The following L2HGDH variants were observed in gnomAD, a reference collection of about 807,000 sequenced individuals.
L2HGDH encodes the protein L-2-hydroxyglutarate dehydrogenase, mitochondrial.
Under a neutral mutation model 51.5 loss-of-function variants are expected in L2HGDH, and 34 were observed. That is an observed-to-expected ratio of 0.66 (90% CI 0.50 to 0.88). The LOEUF is 0.88. Ranked by LOEUF, L2HGDH falls within the 40% of genes least tolerant of loss-of-function variation. L2HGDH has a pLI of 0.00. For synonymous variants in L2HGDH, 198 were observed against 197.9 expected (o/e 1.00, Z -0.01); for missense variants, 558 against 571.9 (o/e 0.98, Z 0.25).
At chr14:50,296,256 C>T (rs1371849862) in intron 3 of L2HGDH, among the ~76,000 whole-genome samples, 1 of 151,010 alleles carries the variant, frequency 6.6e-6, no homozygotes, top group Non-Finnish European at 1.5e-5. Context: ...CACCTGTAGT[C>T]CCAGCTACTA....
Position 50,280,971 on chromosome 14 carries a change from T to C in L2HGDH, c.704-2417A>G, listed in dbSNP as rs1330690105. ...CTGGAAGTACAGGTGTGTGCTACCA[T>C]GCCCAGTGAACGTTTAAAAATTTTT... is the stretch of plus-strand genomic sequence containing the variant. On this transcript the variant is annotated intron_variant, in intron 5 of 9. Coordinates refer to ENST00000267436, the MANE Select transcript of L2HGDH (RefSeq NM_024884.3). Among the ~76,000 whole-genome samples the C allele has an allele frequency of 4.0e-5, 6 of 151,842 alleles. No individual in the cohort carries two copies. The East Asian group carries it at 9.7e-4, about 25-fold the overall frequency.
chr14:50,311,207 G>A (rs1052147526), intron 1 of L2HGDH: 10 of 388,664 alleles, frequency 2.6e-5, no homozygotes, highest in African/African-American at 4.2e-5. Context: ...CTCCTAAAGC[G>A]TAGCCTCTTC....
At chr14:50,287,425 T>A in intron 4 of L2HGDH, 1 of 495,940 alleles carries the variant, frequency 2.0e-6, no homozygotes. Context: ...ACTCTACAAT[T>A]AAATTATTTT....
intron 1 of L2HGDH, among the ~76,000 whole-genome samples, chr14:50,303,961 A>G (rs543767593): frequency 2.6e-5 from 4 of 152,298 alleles, no homozygotes; most frequent in African/African-American, 9.6e-5. Flanking sequence ...AAGTGACTGC[A>G]GTCATGCGTT....
At chr14:50,286,707 A>G (rs1890587416) in intron 4 of L2HGDH, among the ~76,000 whole-genome samples, 1 of 152,242 alleles carries the variant, frequency 6.6e-6, no homozygotes, top group African/African-American at 2.4e-5. Context: ...TATAAAGTAT[A>G]TATCACTTCT....
intron 4 of L2HGDH, 65 bp from the exon 5 acceptor site, chr14:50,284,098 T>A: frequency 6.7e-7 from 1 of 1,491,800 alleles, no homozygotes; most frequent in South Asian, 1.2e-5. Flanking sequence ...ACAAAATCTC[T>A]ATAATCAAGA....
chr14:50,242,458 A>G lies in L2HGDH; in HGVS notation c.*4600T>C. The G allele has an allele frequency of 2.0e-6, 2 of 982,788 alleles. No individual in the cohort carries two copies. The highest frequency in any genetic ancestry group is 2.4e-6 in the Non-Finnish European group (2 of 827,502). 60.9% of individuals were successfully genotyped at this position (982,788 alleles called of 1,614,324 possible). ...CTTAAAATAAGATAACTTTAATGTGAGATCCTTCCCATAAGCAGAAAATAC... is the reference window on the plus strand; with the variant it reads ...CTTAAAATAAGATAACTTTAATGTGGGATCCTTCCCATAAGCAGAAAATAC... On this transcript the variant is annotated 3_prime_UTR_variant, in exon 10 of 10. Transcript: ENST00000267436.
At chr14:50,289,667 T>C (rs17122355) in intron 4 of L2HGDH, among the ~76,000 whole-genome samples, 1,583 of 152,268 alleles carry the variant, frequency 0.01, 22 homozygotes, top group South Asian at 0.034. Flanking sequence ...TTTACTAGGA[T>C]TGTTCAAAAA....
chr14:50,289,991 C>G (rs760268916), intron 4 of L2HGDH, among the ~76,000 whole-genome samples: 1 of 152,126 alleles, frequency 6.6e-6, no homozygotes, highest in African/African-American at 2.4e-5. Flanking sequence ...GTCGGCCAGG[C>G]GCAGTGGCTC....
chr14:50,272,881 G>GA (rs1889779137), intron 6 of L2HGDH, among the ~76,000 whole-genome samples: 1 of 152,002 alleles, frequency 6.6e-6, no homozygotes, highest in Admixed American at 6.6e-5. Flanking sequence ...GACCAAAGAA[G>GA]AAAAAATATA....
At chr14:50,259,985 C>CAG (rs34001223) in intron 9 of L2HGDH, among the ~76,000 whole-genome samples, 24,149 of 142,268 alleles carry the variant, frequency 0.17, 2,055 homozygotes, top group East Asian at 0.25. Flanking sequence ...GAGAAGAAGA[C>CAG]AGAGAGAGAG....
intron 3 of L2HGDH, among the ~76,000 whole-genome samples, chr14:50,298,203 C>G (rs1266825564): frequency 6.9e-6 from 1 of 145,012 alleles, no homozygotes; most frequent in Non-Finnish European, 1.5e-5. Flanking sequence ...GAGATGGCAC[C>G]ATTGCACTCC....
At chr14:50,308,835 T>C (rs1036900959) in intron 1 of L2HGDH, among the ~76,000 whole-genome samples, 2 of 152,216 alleles carry the variant, frequency 1.3e-5, no homozygotes, top group Admixed American at 1.3e-4. Flanking sequence ...TTATTCGTAA[T>C]AGCCAAAAAC....
chr14:50,245,503 A>C lies in L2HGDH; in HGVS notation c.*1555T>G, dbSNP rs960267941. The C allele has an allele frequency of 1.6e-5, 16 of 975,268 alleles. No individual in the cohort carries two copies. In the African/African-American group the frequency reaches 2.8e-4, roughly 17 times the overall value. 60.4% of individuals were successfully genotyped at this position (975,268 alleles called of 1,614,324 possible). A position where few individuals can be genotyped will look rare whatever the true frequency, so the allele number is the denominator to read the frequency against. On this transcript the variant is annotated 3_prime_UTR_variant, in exon 10 of 10. Transcript: ENST00000267436. ...TGAGTTTGTTTTGTTATTTCCTACAAATATTATAATTAAGATAGAAACTTA... is the reference window on the plus strand; with the variant it reads ...TGAGTTTGTTTTGTTATTTCCTACACATATTATAATTAAGATAGAAACTTA...
rs1338005519 is a variant in L2HGDH, at chr14:50,295,221, A to G, written c.409-975T>C. On this transcript the variant is annotated intron_variant, in intron 3 of 9. Transcript: ENST00000267436. ...GGCCCATTTTACTGAATTGTTTTTT[A>G]AAATGTGGCCATGCACAGGGGCTCA... 2.6e-5 allele frequency among the ~76,000 whole-genome samples: 4 copies of G among 152,134 alleles called. No individual in the cohort carries two copies. In the East Asian group the frequency reaches 5.8e-4, roughly 22 times the overall value.
Position 50,267,823 on chromosome 14 carries a change from C to T in L2HGDH, c.994G>A (p.Ala332Thr), listed in dbSNP as rs893179903. 8.1e-6 allele frequency: 13 copies of T among 1,613,784 alleles called. No individual in the cohort carries two copies. The Admixed American group carries it at 1.7e-4, about 21-fold the overall frequency. Residue 332 changes from alanine to threonine, a missense_variant, in exon 8 of 10, where the codon GCC becomes ACC. By Grantham distance (58) the Ala-to-Thr change is moderately conservative. Transcript: ENST00000267436. ...GGTCTGTAACCCTCTCGTTTAAAGG[C>T]AAGAACTGCATTAGGCCCTAGCCAA... is the stretch of plus-strand genomic sequence containing the variant. ...SIWLGPNAVLAFKREGYRPFD... is the reference protein window; with the variant it reads ...SIWLGPNAVLTFKREGYRPFD...
At chr14:50,254,800 A>T (rs1305436967) in intron 9 of L2HGDH, among the ~76,000 whole-genome samples, 4 of 152,052 alleles carry the variant, frequency 2.6e-5, no homozygotes, top group Admixed American at 6.6e-5. Context: ...GAACTTTGGG[A>T]GGCCAAAGCA....
chr14:50,271,752 T>C (rs747894054), intron 6 of L2HGDH, among the ~76,000 whole-genome samples: 8 of 152,180 alleles, frequency 5.3e-5, no homozygotes, highest in Non-Finnish European at 1.0e-4. Context: ...AAACCATGCA[T>C]GTCTGTTGCT....
At chr14:50,304,073 T>C (rs148141359) in intron 1 of L2HGDH, among the ~76,000 whole-genome samples, 3 of 152,352 alleles carry the variant, frequency 2.0e-5, no homozygotes, top group African/African-American at 7.2e-5. Context: ...TATAGCTTAC[T>C]GTACACCTAG....
Sources: allele counts gnomAD v4.1 joint callset (sites outside exome capture counted in the v4.1 genomes callset), GRCh38; gene constraint gnomAD v4.1.1; transcripts MANE v1.5; gene names NCBI Gene and HGNC (gene_info 2026-07-23, HGNC 2026-07-21).